The following MOB1B variants were observed in gnomAD, a reference collection of about 807,000 sequenced individuals.
MOB1B encodes MOB1 Mps One Binder homolog B.
In MOB1B, 19 loss-of-function variants were observed where a neutral mutation model predicts 24.4. The observed-to-expected ratio is 0.78, with a 90% CI of 0.54 to 1.14. The LOEUF (loss-of-function observed/expected upper bound fraction) is 1.14. Among genes scored for constraint, MOB1B ranks in the 50% most tolerant of loss-of-function variants. MOB1B has a pLI of 0.00. For synonymous variants in MOB1B, 76 were observed against 82.1 expected, an observed-to-expected ratio of 0.93 and a Z score of 0.40; for missense variants, 243 against 259.6, an observed-to-expected ratio of 0.94 and a Z score of 0.44.
intron 1 of MOB1B, among the ~76,000 whole-genome samples, chr4:70,926,617 C>A (rs1736664835): frequency 6.6e-6 from 1 of 152,158 alleles, no homozygotes; most frequent in Non-Finnish European, 1.5e-5. Flanking sequence ...GGCATTATTG[C>A]ATAATAAAAT....
intron 1 of MOB1B, among the ~76,000 whole-genome samples, chr4:70,919,904 A>G (rs1230644442): frequency 6.6e-6 from 1 of 152,224 alleles, no homozygotes; most frequent in African/African-American, 2.4e-5. Flanking sequence ...GGTTTGATGT[A>G]TAGTCATGAC....
intron 1 of MOB1B, among the ~76,000 whole-genome samples, chr4:70,958,158 T>G (rs1276843740): frequency 6.6e-6 from 1 of 151,600 alleles, no homozygotes; most frequent in African/African-American, 2.4e-5. Flanking sequence ...ATGTAGCTTT[T>G]CTTTTCTTTC....
At chr4:70,922,191 A>G (rs1243962566) in intron 1 of MOB1B, among the ~76,000 whole-genome samples, 1 of 152,236 alleles carries the variant, frequency 6.6e-6, no homozygotes, top group African/African-American at 2.4e-5. Context: ...AGATATGGGC[A>G]TTTATAGATA....
At chr4:70,917,479 A>G (rs1199120019) in intron 1 of MOB1B, among the ~76,000 whole-genome samples, 1 of 152,168 alleles carries the variant, frequency 6.6e-6, no homozygotes, top group Non-Finnish European at 1.5e-5. Flanking sequence ...GCTTTACCTC[A>G]AGGATTCAAA....
chr4:70,907,096 T>C (rs1466761134), intron 1 of MOB1B, among the ~76,000 whole-genome samples: 1 of 152,230 alleles, frequency 6.6e-6, no homozygotes, highest in Non-Finnish European at 1.5e-5. Flanking sequence ...AGAAATTGCC[T>C]GTGAATTGTT....
intron 3 of MOB1B, 139 bp from the exon 4 acceptor site, chr4:70,975,014 T>TA (rs1268146700): frequency 1.7e-6 from 1 of 596,602 alleles, no homozygotes; most frequent in Non-Finnish European, 2.5e-6. Context: ...ACTGGGTATT[T>TA]AAAAATGTAT....
In MOB1B at chr4:70,940,442, C is replaced by G. The variant is rs1298183040; in HGVS notation, c.15-18432C>G. Among the ~76,000 whole-genome samples the G allele has an allele frequency of 2.6e-5, 4 of 152,100 alleles. No homozygotes were observed. In the East Asian group the frequency reaches 7.7e-4, roughly 29 times the overall value. ...CCCCATGTCAGAAAACAACACAAAC[C>G]ACCAAATTTGAACTGCAAGGAATAT... On this transcript the variant is annotated intron_variant, in intron 1 of 5. Transcript: ENST00000309395.
intron 1 of MOB1B, chr4:70,950,910 C>T (rs957790079): frequency 4.5e-5 from 33 of 726,008 alleles, no homozygotes; most frequent in Admixed American, 1.8e-4. Context: ...ATTTTGTAGA[C>T]GAGGAAGCTG....
At chr4:70,943,949 T>TCC (rs1737465059) in intron 1 of MOB1B, among the ~76,000 whole-genome samples, 1 of 152,116 alleles carries the variant, frequency 6.6e-6, no homozygotes, top group Non-Finnish European at 1.5e-5. Context: ...AAATGAATAT[T>TCC]TAGAATGAAA....
chr4:70,906,384 A>T (rs1735749767), intron 1 of MOB1B, among the ~76,000 whole-genome samples: 1 of 152,190 alleles, frequency 6.6e-6, no homozygotes, highest in South Asian at 2.1e-4. Context: ...CAAAAAAAGA[A>T]AAAAAATCAC....
chr4:70,905,211 G>A (rs955486546), intron 1 of MOB1B, among the ~76,000 whole-genome samples: 1 of 151,254 alleles, frequency 6.6e-6, no homozygotes, highest in Admixed American at 6.6e-5. Flanking sequence ...TCTTCTATTT[G>A]TTATTTGGTA....
chr4:70,944,634 A>G (rs970978715), intron 1 of MOB1B, among the ~76,000 whole-genome samples: 5 of 152,316 alleles, frequency 3.3e-5, no homozygotes, highest in Admixed American at 3.3e-4. Flanking sequence ...CAGGCTGTAC[A>G]GGAAGCATCG....
chr4:70,985,082 T>C lies in MOB1B; in HGVS notation c.*3025T>C, dbSNP rs1739338095. 1 of 152,036 alleles carries C rather than the reference T, an allele frequency of 6.6e-6. No individual in the cohort carries two copies. The highest frequency in any genetic ancestry group is 1.5e-5 in the Non-Finnish European group (1 of 68,034). 9.4% of individuals were successfully genotyped at this position (152,036 alleles called of 1,614,324 possible). A position where few individuals can be genotyped will look rare whatever the true frequency, so the allele number is the denominator to read the frequency against. On this transcript the variant is annotated 3_prime_UTR_variant, in exon 6 of 6. Coordinates refer to ENST00000309395, the MANE Select transcript of MOB1B (RefSeq NM_173468.4). The stretch of plus-strand genomic sequence containing the variant: ...ATGGATAAAACACTACAGTCTCTTA[T>C]CAGGAAATAGAGATGATGTGGATAT...
intron 1 of MOB1B, among the ~76,000 whole-genome samples, chr4:70,957,259 C>CAAAAAAAA (rs1247828205): frequency 1.6e-5 from 1 of 63,510 alleles, no homozygotes. Context: ...GACTATGTCT[C>CAAAAAAAA]AAAAAAAAAA....
intron 1 of MOB1B, among the ~76,000 whole-genome samples, chr4:70,933,477 G>A (rs1177846095): frequency 1.4e-5 from 2 of 145,002 alleles, no homozygotes; most frequent in Non-Finnish European, 3.0e-5. Flanking sequence ...TTTTGTCAGT[G>A]TTCTTCATGT....
intron 2 of MOB1B, among the ~76,000 whole-genome samples, chr4:70,960,747 A>G (rs956752617): frequency 2.0e-5 from 3 of 152,210 alleles, no homozygotes; most frequent in African/African-American, 4.8e-5. Context: ...TTTCTGTGTC[A>G]TCTCCAAGAC....
chr4:70,929,947 G>A (rs1479002283), intron 1 of MOB1B, among the ~76,000 whole-genome samples: 5 of 152,000 alleles, frequency 3.3e-5, no homozygotes, highest in East Asian at 1.9e-4. Context: ...TAGAGACAGC[G>A]TCTCCCTATG....
intron 1 of MOB1B, among the ~76,000 whole-genome samples, chr4:70,928,215 T>G (rs570767800): frequency 6.6e-6 from 1 of 152,320 alleles, no homozygotes; most frequent in African/African-American, 2.4e-5. Flanking sequence ...AAAAAATGTT[T>G]GTTTTAAATC....
chr4:70,907,455 AAAG>A (rs1476217302), intron 1 of MOB1B, among the ~76,000 whole-genome samples: 2 of 152,230 alleles, frequency 1.3e-5, no homozygotes, highest in African/African-American at 4.8e-5. Context: ...GGAAAAGACC[AAAG>A]TGTAATTTCC....
Sources: gnomAD v4.1 joint callset for allele counts (sites outside exome capture counted in the v4.1 genomes callset) on GRCh38, gnomAD v4.1.1 for gene constraint, MANE v1.5 for transcripts, NCBI Gene and HGNC (gene_info 2026-07-23, HGNC 2026-07-21) for gene names.